The following ITK variants were observed in gnomAD, a reference collection of about 807,000 sequenced individuals.
ITK encodes the protein IL2 inducible T cell kinase, also known as tyrosine-protein kinase ITK/TSK.
A neutral mutation model predicts 87.6 loss-of-function variants in ITK; 45 were observed. The ratio of observed to expected loss-of-function variants is 0.51; its 90% confidence interval spans 0.40 to 0.66. The LOEUF (loss-of-function observed/expected upper bound fraction) is 0.66. Ranked by LOEUF, ITK falls within the 30% of genes least tolerant of loss-of-function variation. The probability of loss-of-function intolerance (pLI) is 0.00; values close to 1 mark genes in which losing one functional copy is unlikely to be tolerated. For synonymous variants in ITK, 303 were observed against 273.6 expected, an observed-to-expected ratio of 1.11 and a Z score of -1.06; for missense variants, 605 against 766.3, an observed-to-expected ratio of 0.79 and a Z score of 2.48.
intron 4 of ITK, among the ~76,000 whole-genome samples, chr5:157,215,972 T>TG (rs1297226754): frequency 6.6e-6 from 1 of 152,200 alleles, no homozygotes; most frequent in Non-Finnish European, 1.5e-5. Context: ...GGGGGAGGAC[T>TG]GGTCATGCTG....
chr5:157,248,979 A>T lies in ITK; in HGVS notation c.1763A>T (p.Tyr588Phe). The T allele has an allele frequency of 7.4e-6, 12 of 1,613,960 alleles. No individual in the cohort carries two copies. The highest frequency in any genetic ancestry group is 1.0e-5 in the Non-Finnish European group (12 of 1,179,824). Residue 588 changes from tyrosine to phenylalanine, a missense_variant, in exon 16 of 17, where the codon TAC becomes TTC. Tyr to Phe is a conservative substitution (Grantham distance 22). This residue lies in a region of ITK where 71 missense variants were observed against 65.8 expected (regional missense o/e 1.08). Coordinates refer to ENST00000422843, the MANE Select transcript of ITK (RefSeq NM_005546.4). Reference protein sequence around the residue: ...YKPRLASTHVYQIMNHCWKER... With the variant: ...YKPRLASTHVFQIMNHCWKER... ...CCCCGGCTGGCCTCCACACACGTCT[A>T]CCAGATTATGAATCACTGCTGGAAA...
intron 9 of ITK, among the ~76,000 whole-genome samples, chr5:157,238,581 T>A (rs1355727961): frequency 6.6e-6 from 1 of 152,242 alleles, no homozygotes; most frequent in East Asian, 1.9e-4. Context: ...TACCATTAAC[T>A]GAGTCTTTAT....
chr5:157,184,855 G>C (rs1179640519), intron 1 of ITK, among the ~76,000 whole-genome samples: 1 of 152,198 alleles, frequency 6.6e-6, no homozygotes, highest in Non-Finnish European at 1.5e-5. Flanking sequence ...CTCCTATTTT[G>C]ATGACTCTTT....
chr5:157,244,842 C>T (rs1167777446), intron 13 of ITK: 4 of 311,328 alleles, frequency 1.3e-5, no homozygotes, highest in Admixed American at 1.3e-4. Context: ...ACTGGGGAAG[C>T]CCTTAAGCTA....
At chr5:157,206,798 T>C (rs529451573) in intron 1 of ITK, among the ~76,000 whole-genome samples, 2 of 152,290 alleles carry the variant, frequency 1.3e-5, no homozygotes, top group East Asian at 3.9e-4. Flanking sequence ...GTATAGCTAG[T>C]GGCCTATCTA....
intron 1 of ITK, among the ~76,000 whole-genome samples, chr5:157,198,112 C>CT (rs1753886403): frequency 6.8e-6 from 1 of 147,278 alleles, no homozygotes; most frequent in Non-Finnish European, 1.5e-5. Context: ...GAGCAAGACT[C>CT]TATCTCTTAA....
chr5:157,215,835 C>T (rs910136612), intron 4 of ITK, among the ~76,000 whole-genome samples: 2 of 152,196 alleles, frequency 1.3e-5, no homozygotes, highest in African/African-American at 4.8e-5. Context: ...TTGGTATTTC[C>T]ATTTTGTAAT....
chr5:157,207,258 C>A (rs893502332), intron 1 of ITK, among the ~76,000 whole-genome samples: 3 of 151,820 alleles, frequency 2.0e-5, no homozygotes, highest in East Asian at 3.9e-4. Context: ...TGGTGTCCAC[C>A]AACACTGAGG....
intron 1 of ITK, among the ~76,000 whole-genome samples, chr5:157,197,486 A>G (rs1183873084): frequency 6.6e-6 from 1 of 152,256 alleles, no homozygotes; most frequent in Non-Finnish European, 1.5e-5. Flanking sequence ...CAAATATCAT[A>G]AGAATATATA....
At chr5:157,247,726 C>T (rs1755052595) in intron 15 of ITK, among the ~76,000 whole-genome samples, 1 of 152,156 alleles carries the variant, frequency 6.6e-6, no homozygotes, top group Non-Finnish European at 1.5e-5. Flanking sequence ...GCAACAGAAA[C>T]CTGGATGAGC....
In ITK at chr5:157,240,208, G is replaced by A; in HGVS notation, c.985+13G>A. 4 of 1,614,042 alleles carry A rather than the reference G, an allele frequency of 2.5e-6. No homozygotes were observed. The highest frequency in any genetic ancestry group is 3.4e-6 in the Non-Finnish European group (4 of 1,179,934). On this transcript the variant is annotated intron_variant, in intron 10 of 16. Coordinates refer to ENST00000422843, the MANE Select transcript of ITK (RefSeq NM_005546.4). ...CATAATGGAGGAGGTAAGCTCTAGA[G>A]CAGGGGTGGACCCGGGCCGCCCAGC...
rs34270155 is a variant in ITK, at chr5:157,231,704, TA to T, written c.714-626del. 3.4e-4 allele frequency among the ~76,000 whole-genome samples: 51 copies of T among 148,890 alleles called. 1 individual carries two copies. The highest frequency in any genetic ancestry group is 2.9e-3 in the East Asian group (15 of 5,110). On this transcript the variant is annotated intron_variant, in intron 7 of 16. Transcript: ENST00000422843. The stretch of plus-strand genomic sequence containing the variant: ...ATGTGGCTAAATATTGTTAACAACA[TA>T]AAAAAAAAACTTCATCCCTAAAAAT...
intron 2 of ITK, 117 bp downstream of exon 2, chr5:157,209,110 C>A (rs1015957517): frequency 2.8e-5 from 21 of 744,654 alleles, no homozygotes; most frequent in Middle Eastern, 4.6e-4. Flanking sequence ...TTGAGGCAGG[C>A]AGATCACGAG....
chr5:157,214,919 G>A (rs992711271), intron 4 of ITK, among the ~76,000 whole-genome samples: 10 of 152,082 alleles, frequency 6.6e-5, no homozygotes, highest in South Asian at 2.1e-4. Flanking sequence ...GGAGAAGGCC[G>A]CAGTCTAAAT....
intron 1 of ITK, among the ~76,000 whole-genome samples, chr5:157,193,793 G>C (rs1014428706): frequency 6.6e-6 from 1 of 152,160 alleles, no homozygotes; most frequent in African/African-American, 2.4e-5. Context: ...CAATAGAGGT[G>C]TTGAGTCGGG....
rs750851355 is a variant in ITK at position 157,243,701 on chromosome 5, GC to G, written c.1140del (p.Tyr381ThrfsTer24). On this transcript the variant is annotated frameshift_variant, in exon 12 of 17. Transcript: ENST00000422843. LOFTEE classifies it high-confidence loss of function. ...GGGCAATTTGGGTTGGTGCATCTGG[GC>G]TACTGGCTCAACAAGGACAAGGTGG... Reference protein sequence around the residue: ...GSGQFGLVHLGYWLNKDKVAI... With the variant: ...GSGQFGLVHLXYWLNKDKVAI... The G allele has an allele frequency of 6.2e-7, 1 of 1,613,880 alleles. No homozygotes were observed. The highest frequency in any genetic ancestry group is 8.5e-7 in the Non-Finnish European group (1 of 1,179,986).
chr5:157,213,302 A>G (rs756365221), intron 3 of ITK, among the ~76,000 whole-genome samples: 2 of 152,180 alleles, frequency 1.3e-5, no homozygotes, highest in Non-Finnish European at 2.9e-5. Flanking sequence ...CCGTGATCCA[A>G]TTACCACCAC....
chr5:157,225,343 T>C (rs1754509966), intron 6 of ITK, among the ~76,000 whole-genome samples: 1 of 152,114 alleles, frequency 6.6e-6, no homozygotes. Context: ...GAGTATGTGA[T>C]ATCTTAATTT....
intron 15 of ITK, 75 bp from the exon 16 acceptor site, chr5:157,248,775 T>C: frequency 6.4e-7 from 1 of 1,550,434 alleles, no homozygotes; most frequent in Non-Finnish European, 8.9e-7. Flanking sequence ...AGTCTGTAAT[T>C]TCTAGAGGCA....
Sources: allele counts gnomAD v4.1 joint callset (sites outside exome capture counted in the v4.1 genomes callset), GRCh38; gene constraint gnomAD v4.1.1; regional missense constraint gnomAD v4.1.1; transcripts MANE v1.5; gene names NCBI Gene and HGNC (gene_info 2026-07-23, HGNC 2026-07-21).